The following CTNNA2 variants were observed in gnomAD, a reference collection of about 807,000 sequenced individuals.
CTNNA2 encodes the protein catenin alpha-2.
Under a neutral mutation model 101.0 loss-of-function variants are expected in CTNNA2, and 42 were observed. The ratio of observed to expected loss-of-function variants is 0.42; its 90% CI spans 0.32 to 0.54. The LOEUF (loss-of-function observed/expected upper bound fraction) is 0.54, where lower values mean the gene tolerates loss of function less well. Among genes scored for constraint, CTNNA2 ranks in the 20% least tolerant of loss-of-function variants. CTNNA2 has a pLI of 0.14. For synonymous variants in CTNNA2, 450 were observed against 456.4 expected, an observed-to-expected ratio of 0.99 and a Z score of 0.18; for missense variants, 871 against 1,223.1, an observed-to-expected ratio of 0.71 and a Z score of 4.29.
intron 7 of CTNNA2, among the ~76,000 whole-genome samples, chr2:79,912,815 G>GT (rs1342758592): frequency 1.3e-5 from 2 of 152,174 alleles, no homozygotes; most frequent in Non-Finnish European, 2.9e-5. Flanking sequence ...GTATTATGCT[G>GT]AGTACTTTAA....
chr2:79,214,893 C>G (rs775768791), intron 2 of CTNNA2, among the ~76,000 whole-genome samples: 1 of 151,694 alleles, frequency 6.6e-6, no homozygotes, highest in Non-Finnish European at 1.5e-5. Context: ...GAAGCCTGGC[C>G]GTCAATACCC....
chr2:80,467,045 T>A (rs1185376989), intron 9 of CTNNA2, among the ~76,000 whole-genome samples: 1 of 152,212 alleles, frequency 6.6e-6, no homozygotes, highest in Non-Finnish European at 1.5e-5. Context: ...TGATTAGGCA[T>A]GCCATGTTTA....
intron 7 of CTNNA2, among the ~76,000 whole-genome samples, chr2:79,913,949 C>T (rs1283367763): frequency 2.6e-5 from 4 of 151,828 alleles, no homozygotes; most frequent in Admixed American, 2.6e-4. Flanking sequence ...GGGCGGATCA[C>T]GAGGTCAGGA....
At chr2:80,171,188 A>G (rs1291093014) in intron 7 of CTNNA2, among the ~76,000 whole-genome samples, 2 of 152,210 alleles carry the variant, frequency 1.3e-5, no homozygotes, top group Non-Finnish European at 1.5e-5. Context: ...ATTGGCTCCA[A>G]ATGAAGACAA....
At chr2:80,294,886 A>C (rs980473011) in intron 7 of CTNNA2, among the ~76,000 whole-genome samples, 1 of 152,190 alleles carries the variant, frequency 6.6e-6, no homozygotes, top group African/African-American at 2.4e-5. Context: ...TACATTGAGA[A>C]CAGACAAATA....
chr2:80,153,611 T>C (rs1286234147), intron 7 of CTNNA2, among the ~76,000 whole-genome samples: 2 of 152,188 alleles, frequency 1.3e-5, no homozygotes, highest in Admixed American at 1.3e-4. Flanking sequence ...TCCATTCCTA[T>C]GGATTAGCTA....
intron 7 of CTNNA2, among the ~76,000 whole-genome samples, chr2:80,073,739 C>T (rs569110377): frequency 4.7e-5 from 6 of 128,636 alleles, no homozygotes; most frequent in Admixed American, 2.7e-4. Context: ...GTCACACACA[C>T]ACACACACAC....
chr2:79,536,040 G>T (rs148774559), intron 1 of CTNNA2, among the ~76,000 whole-genome samples: 3 of 152,176 alleles, frequency 2.0e-5, no homozygotes, highest in Admixed American at 6.5e-5. Flanking sequence ...GGGATGCAAC[G>T]TAGACAGATA....
At chr2:80,154,112 A>G (rs1204702068) in intron 7 of CTNNA2, among the ~76,000 whole-genome samples, 1 of 152,240 alleles carries the variant, frequency 6.6e-6, no homozygotes, top group Non-Finnish European at 1.5e-5. Flanking sequence ...AATATTAGCT[A>G]TGACCTGAAA....
In CTNNA2 at chr2:80,459,382, A is replaced by G. The variant is rs1331256315; in HGVS notation, c.1290+39781A>G. On this transcript the variant is annotated intron_variant, in intron 9 of 18. Coordinates refer to ENST00000402739, the MANE Select transcript of CTNNA2 (RefSeq NM_001282597.3). ...GGACGTAGAAGACCAGAAGGACCAC[A>G]GTTCACCTTGACATTGAGGTTAAAA... 2.0e-5 allele frequency among the ~76,000 whole-genome samples: 3 copies of G among 152,190 alleles called. No homozygotes were observed. In the East Asian group the frequency reaches 5.8e-4, roughly 29 times the overall value.
chr2:79,780,462 T>G (rs747313594), intron 3 of CTNNA2, among the ~76,000 whole-genome samples: 12 of 152,184 alleles, frequency 7.9e-5, no homozygotes, highest in Non-Finnish European at 1.3e-4. Context: ...TTTTTAAGGC[T>G]TTTGTCTGGG....
chr2:79,329,661 C>T (rs377491519), intron 3 of CTNNA2, among the ~76,000 whole-genome samples: 63 of 152,226 alleles, frequency 4.1e-4, no homozygotes, highest in Non-Finnish European at 7.2e-4. Flanking sequence ...CCAGGCCCTT[C>T]ACTTGTAGTA....
At chr2:79,950,690 G>C (rs1453611683) in intron 7 of CTNNA2, among the ~76,000 whole-genome samples, 1 of 152,174 alleles carries the variant, frequency 6.6e-6, no homozygotes, top group Non-Finnish European at 1.5e-5. Flanking sequence ...GAGCTTACCA[G>C]ATTTATGCAG....
At chr2:79,463,980 A>G (rs1670905596) in intron 4 of CTNNA2, among the ~76,000 whole-genome samples, 1 of 112,440 alleles carries the variant, frequency 8.9e-6, no homozygotes, top group Non-Finnish European at 2.0e-5. Flanking sequence ...CCGGGCTTAA[A>G]GAAAGTTTTT....
chr2:79,234,258 T>A lies in CTNNA2; in HGVS notation c.-406+36182T>A, dbSNP rs1206440525. On this transcript the variant is annotated intron_variant, in intron 2 of 21. Coordinates refer to the CTNNA2 transcript ENST00000466387. ...AATAACATATCCCTTAGTGCTTGCT[T>A]CTCTGAGAAGGATTTTTATTTCTCT... Among the ~76,000 whole-genome samples, 8 of 152,118 alleles carry A rather than the reference T, an allele frequency of 5.3e-5. No individual in the cohort carries two copies. The South Asian group carries it at 1.2e-3, about 24-fold the overall frequency.
At chr2:80,215,729 A>G (rs947546186) in intron 7 of CTNNA2, among the ~76,000 whole-genome samples, 2 of 152,182 alleles carry the variant, frequency 1.3e-5, no homozygotes, top group African/African-American at 4.8e-5. Flanking sequence ...TTGAGGAGGC[A>G]GTCTGTCCGT....
intron 7 of CTNNA2, among the ~76,000 whole-genome samples, chr2:80,165,137 A>G (rs977010449): frequency 2.6e-5 from 4 of 151,754 alleles, no homozygotes; most frequent in African/African-American, 9.7e-5. Context: ...TTTTCCAGCC[A>G]CATGCTTTTT....
intron 2 of CTNNA2, among the ~76,000 whole-genome samples, chr2:79,260,793 T>G (rs1394955759): frequency 1.3e-5 from 2 of 152,122 alleles, no homozygotes; most frequent in African/African-American, 4.8e-5. Flanking sequence ...TGACCTCCAA[T>G]TCTGAGTCCC....
intron 7 of CTNNA2, among the ~76,000 whole-genome samples, chr2:79,997,458 C>A (rs1286024301): frequency 6.6e-6 from 1 of 152,050 alleles, no homozygotes; most frequent in East Asian, 1.9e-4. Context: ...CCAGACCAAA[C>A]CAAACAAACC....
Sources: gnomAD v4.1 joint callset for allele counts (sites outside exome capture counted in the v4.1 genomes callset) on GRCh38, gnomAD v4.1.1 for gene constraint, MANE v1.5 for transcripts, NCBI Gene and HGNC (gene_info 2026-07-23, HGNC 2026-07-21) for gene names.